Variants in TAS2R1 observed in about 807,000 individuals in gnomAD.
TAS2R1 encodes the protein taste receptor type 2 member 1.
For missense variants in TAS2R1, 370 were observed against 353.4 expected (o/e 1.05, Z -0.38); for synonymous variants, 141 against 134.2 (o/e 1.05, Z -0.35).
chr5:9,721,528 T>C, the TAS2R1 span, among the ~76,000 whole-genome samples: 17 of 152,222 alleles, frequency 1.1e-4, no homozygotes, highest in African/African-American at 3.1e-4. Flanking sequence ...AATAGAACCT[T>C]TTAAAGGTGT....
At chr5:9,892,499 T>A in the TAS2R1 span, among the ~76,000 whole-genome samples, 2 of 152,148 alleles carry the variant, frequency 1.3e-5, no homozygotes, top group African/African-American at 4.8e-5. Context: ...GGTGTCTAGT[T>A]GAGCTGGTGT....
At chr5:9,666,452 A>T (rs1740634788) in intron 1 of TAS2R1, among the ~76,000 whole-genome samples, 1 of 152,194 alleles carries the variant, frequency 6.6e-6, no homozygotes, top group Non-Finnish European at 1.5e-5. Flanking sequence ...GATGTTCATT[A>T]TATCTGGGAG....
chr5:9,636,176 T>C (rs1416682794), intron 2 of TAS2R1, among the ~76,000 whole-genome samples: 25 of 152,108 alleles, frequency 1.6e-4, no homozygotes, highest in Admixed American at 1.6e-3. Context: ...TTAATTTGCA[T>C]CTCGATTTCA....
At chr5:9,808,117 A>T in the TAS2R1 span, among the ~76,000 whole-genome samples, 1 of 152,186 alleles carries the variant, frequency 6.6e-6, no homozygotes, top group African/African-American at 2.4e-5. Context: ...ACTAAAGGGG[A>T]GTCTGATGAA....
At chr5:9,743,120 C>T in the TAS2R1 span, among the ~76,000 whole-genome samples, 16 of 151,868 alleles carry the variant, frequency 1.1e-4, no homozygotes, top group Non-Finnish European at 2.1e-4. Flanking sequence ...AACCAGACAA[C>T]CTGCGAAGAC....
At chr5:9,744,316 G>A in the TAS2R1 span, among the ~76,000 whole-genome samples, 1 of 152,130 alleles carries the variant, frequency 6.6e-6, no homozygotes, top group Non-Finnish European at 1.5e-5. Flanking sequence ...TTGGGCCGGT[G>A]GGTCATAGGT....
the TAS2R1 span, among the ~76,000 whole-genome samples, chr5:9,897,541 G>T: frequency 6.6e-6 from 1 of 152,176 alleles, no homozygotes; most frequent in Admixed American, 6.5e-5. Flanking sequence ...GTAAGTTTAG[G>T]CTAACCGCAC....
At chr5:9,748,364 G>T in the TAS2R1 span, among the ~76,000 whole-genome samples, 1 of 152,110 alleles carries the variant, frequency 6.6e-6, no homozygotes, top group Non-Finnish European at 1.5e-5. Flanking sequence ...TTTAAAAAGA[G>T]GTTGCAATGT....
At chr5:9,869,641 T>A in the TAS2R1 span, among the ~76,000 whole-genome samples, 6 of 152,210 alleles carry the variant, frequency 3.9e-5, no homozygotes, top group Admixed American at 3.3e-4. Flanking sequence ...CAATAATTGA[T>A]GTTTCAGATG....
At chr5:9,835,012 C>T in the TAS2R1 span, among the ~76,000 whole-genome samples, 1 of 152,294 alleles carries the variant, frequency 6.6e-6, no homozygotes, top group South Asian at 2.1e-4. Flanking sequence ...AGCTGCCCAG[C>T]AACAGGTTAG....
intron 1 of TAS2R1, among the ~76,000 whole-genome samples, chr5:9,669,460 G>C (rs988861151): frequency 6.6e-6 from 1 of 151,954 alleles, no homozygotes; most frequent in African/African-American, 2.4e-5. Context: ...AGAATATATA[G>C]TCTTCTCATC....
chr5:9,701,884 T>C (rs1339382369), intron 1 of TAS2R1, among the ~76,000 whole-genome samples: 2 of 152,218 alleles, frequency 1.3e-5, no homozygotes, highest in African/African-American at 4.8e-5. Flanking sequence ...TCCTTTTTTT[T>C]AGAATGAACA....
At chr5:9,647,902 A>T (rs899941269) in intron 2 of TAS2R1, among the ~76,000 whole-genome samples, 3 of 152,216 alleles carry the variant, frequency 2.0e-5, no homozygotes, top group African/African-American at 7.2e-5. Context: ...AAATTTGAAT[A>T]ATGTTAACAA....
chr5:9,722,337 T>C, the TAS2R1 span, among the ~76,000 whole-genome samples: 2 of 151,862 alleles, frequency 1.3e-5, no homozygotes, highest in Non-Finnish European at 2.9e-5. Context: ...AATGCTGTCA[T>C]TTTAAGCTAC....
the TAS2R1 span, among the ~76,000 whole-genome samples, chr5:9,718,162 T>C: frequency 2.0e-5 from 3 of 148,574 alleles, no homozygotes; most frequent in Admixed American, 6.8e-5. Flanking sequence ...GTAGAGACGG[T>C]GTTTCGCCGT....
At chr5:9,789,727 T>C in the TAS2R1 span, among the ~76,000 whole-genome samples, 1 of 152,274 alleles carries the variant, frequency 6.6e-6, no homozygotes, top group African/African-American at 2.4e-5. Flanking sequence ...GGTTGTGTGC[T>C]AGGCAATTCT....
chr5:9,665,148 C>T (rs2126498335), intron 1 of TAS2R1, among the ~76,000 whole-genome samples: 1 of 152,282 alleles, frequency 6.6e-6, no homozygotes, highest in East Asian at 1.9e-4. Flanking sequence ...TGGCAGAATT[C>T]AACAGTGGTA....
At chr5:9,857,300 A>C in the TAS2R1 span, among the ~76,000 whole-genome samples, 1 of 152,250 alleles carries the variant, frequency 6.6e-6, no homozygotes, top group Non-Finnish European at 1.5e-5. Context: ...ATTGCAAGAC[A>C]AAGAAAAGTT....
chr5:9,874,325 T>C, the TAS2R1 span, among the ~76,000 whole-genome samples: 12 of 152,294 alleles, frequency 7.9e-5, no homozygotes, highest in East Asian at 5.8e-4. Context: ...AAATAGTAGG[T>C]GGTGCTAGTT....
Sources: gnomAD v4.1 joint callset for allele counts (sites outside exome capture counted in the v4.1 genomes callset) on GRCh38, gnomAD v4.1.1 for gene constraint, MANE v1.5 for transcripts, NCBI Gene and HGNC (gene_info 2026-07-23, HGNC 2026-07-21) for gene names.